The following SGIP1 variants were observed in gnomAD, a reference collection of about 807,000 sequenced individuals.
SGIP1 encodes the protein SH3-containing GRB2-like protein 3-interacting protein 1.
SGIP1 carries 38 observed loss-of-function variants against 107.5 expected under a neutral mutation model. That is an observed-to-expected ratio of 0.35 (90% CI 0.27 to 0.46). The LOEUF is 0.46. Among genes scored for constraint, SGIP1 ranks in the 20% least tolerant of loss-of-function variants. The pLI, the probability that SGIP1 is intolerant of heterozygous loss-of-function variation, is 1.00. For synonymous variants in SGIP1, 365 were observed against 366.1 expected (o/e 1.00, Z 0.03); for missense variants, 929 against 1,019.5 (o/e 0.91, Z 1.21).
At chr1:66,566,260 G>A (rs1453026772) in intron 1 of SGIP1, among the ~76,000 whole-genome samples, 1 of 151,926 alleles carries the variant, frequency 6.6e-6, no homozygotes, top group East Asian at 1.9e-4. Context: ...TTTAAAGATC[G>A]ATGTGAATAA....
intron 1 of SGIP1, among the ~76,000 whole-genome samples, chr1:66,548,741 C>G (rs1288762965): frequency 6.6e-6 from 1 of 152,096 alleles, no homozygotes; most frequent in African/African-American, 2.4e-5. Context: ...TTTCATTTTT[C>G]TCTCCAAATG....
At chr1:66,687,298 CA>C (rs550250808) in intron 15 of SGIP1, among the ~76,000 whole-genome samples, 425 of 137,540 alleles carry the variant, frequency 3.1e-3, no homozygotes, top group Admixed American at 2.7e-3. Flanking sequence ...CCATCAACAC[CA>C]AAAAAAAAAA....
chr1:66,739,357 C>G lies in SGIP1; in HGVS notation c.2054C>G (p.Ser685Cys). ...AAGGTGTCTGCCCAGGGCATTCAGT[C>G]CACACCTCTGAACCTGGCAGTGAAT... is the stretch of plus-strand genomic sequence containing the variant. ...KYQVSAQGIQ[S>C]TPLNLAVNWR... is the part of the protein sequence containing the mutation. Residue 685 changes from serine to cysteine, a missense_variant, in exon 22 of 25, where the codon TCC becomes TGC. Ser to Cys is a moderately radical substitution (Grantham distance 112). This residue lies in a region of SGIP1 where 341 missense variants were observed against 430.9 expected (regional missense o/e 0.79). Coordinates refer to ENST00000371037, the MANE Select transcript of SGIP1 (RefSeq NM_032291.4). The G allele has an allele frequency of 6.2e-7, 1 of 1,607,610 alleles. No homozygotes were observed. The highest frequency in any genetic ancestry group is 8.5e-7 in the Non-Finnish European group (1 of 1,179,936).
intron 18 of SGIP1, among the ~76,000 whole-genome samples, chr1:66,708,071 G>A (rs1306783036): frequency 6.6e-6 from 1 of 152,116 alleles, no homozygotes; most frequent in Non-Finnish European, 1.5e-5. Flanking sequence ...GGATGTAGGG[G>A]CAAACATCTT....
chr1:66,635,023 A>G (rs1007552302), intron 3 of SGIP1, among the ~76,000 whole-genome samples: 3 of 152,230 alleles, frequency 2.0e-5, no homozygotes, highest in African/African-American at 4.8e-5. Context: ...TGCCTTTTGA[A>G]TGTCAAGTGT....
intron 1 of SGIP1, among the ~76,000 whole-genome samples, chr1:66,612,006 G>A (rs867040260): frequency 6.9e-6 from 1 of 145,534 alleles, no homozygotes; most frequent in African/African-American, 2.6e-5. Flanking sequence ...GGAAATACCT[G>A]AGACTGGGTA....
At position 66,746,341 on chromosome 1, in the gene SGIP1, C is replaced by T. The variant is rs2094552777; in HGVS notation, c.*3246C>T. On this transcript the variant is annotated 3_prime_UTR_variant, in exon 25 of 25. Transcript: ENST00000371037. ...AAATTGCACATGGAATCCTGGTAGG[C>T]AAAACAGCTCAAAGCAATGCAGGAG... 4 of 152,044 alleles carry T rather than the reference C, an allele frequency of 2.6e-5. No homozygotes were observed. The highest frequency in any genetic ancestry group is 6.6e-5 in the Admixed American group (1 of 15,264). The allele number at this position is 152,044 out of a possible 1,614,324, so 9.4% of individuals were successfully genotyped here. A position where few individuals can be genotyped will look rare whatever the true frequency, so the allele number is the denominator to read the frequency against.
At chr1:66,549,789 T>C (rs1199397218) in intron 1 of SGIP1, among the ~76,000 whole-genome samples, 1 of 152,170 alleles carries the variant, frequency 6.6e-6, no homozygotes, top group Non-Finnish European at 1.5e-5. Context: ...GCCTAGTTTC[T>C]GACCAGGTTA....
intron 1 of SGIP1, among the ~76,000 whole-genome samples, chr1:66,601,249 C>T (rs2065750813): frequency 6.6e-6 from 1 of 152,020 alleles, no homozygotes; most frequent in Non-Finnish European, 1.5e-5. Context: ...CCTGTAGTCC[C>T]AGCTACTCGG....
At chr1:66,549,161 TC>T (rs2056992128) in intron 1 of SGIP1, among the ~76,000 whole-genome samples, 1 of 150,734 alleles carries the variant, frequency 6.6e-6, no homozygotes, top group Admixed American at 6.6e-5. Context: ...CTTCCTTCCT[TC>T]CTTCCTTCCT....
At chr1:66,642,421 C>G (rs142965853) in intron 5 of SGIP1, among the ~76,000 whole-genome samples, 1 of 152,316 alleles carries the variant, frequency 6.6e-6, no homozygotes, top group East Asian at 1.9e-4. Flanking sequence ...CTGTCTAACA[C>G]AGGTGTTTTG....
At position 66,745,138 on chromosome 1, in the gene SGIP1, T is replaced by C. The variant is rs964084592; in HGVS notation, c.*2043T>C. The C allele has an allele frequency of 3.3e-5, 5 of 152,032 alleles. No homozygotes were observed. Among genetic ancestry groups the C allele is most frequent in the Non-Finnish European group, 5.9e-5 (4 of 67,866 alleles). 9.4% of individuals were successfully genotyped at this position (152,032 alleles called of 1,614,324 possible). On this transcript the variant is annotated 3_prime_UTR_variant, in exon 25 of 25. Transcript: ENST00000371037. Reference sequence around the variant, plus strand: ...TTTATTTTGTTTTATTTTGTATAGATCTAGAATGAATTAGTAATTAAACAC... The same window carrying C: ...TTTATTTTGTTTTATTTTGTATAGACCTAGAATGAATTAGTAATTAAACAC...
chr1:66,637,815 GTATATA>G (rs1279694131), intron 4 of SGIP1, among the ~76,000 whole-genome samples: 1 of 148,110 alleles, frequency 6.8e-6, no homozygotes, highest in East Asian at 2.0e-4. Context: ...ATGTGTGTAT[GTATATA>G]TGTGTGTACA....
chr1:66,558,585 A>G (rs1034884739), intron 1 of SGIP1, among the ~76,000 whole-genome samples: 1 of 152,148 alleles, frequency 6.6e-6, no homozygotes, highest in African/African-American at 2.4e-5. Context: ...AGCACCTACT[A>G]TGTGCCAGAC....
intron 2 of SGIP1, among the ~76,000 whole-genome samples, chr1:66,630,912 G>A (rs1360729070): frequency 5.1e-4 from 22 of 42,888 alleles, no homozygotes; most frequent in Admixed American, 6.5e-4. Flanking sequence ...AGAAGGGAGG[G>A]AGGGAGGGAG....
chr1:66,694,636 T>A (rs2090517689), intron 17 of SGIP1: 1 of 577,482 alleles, frequency 1.7e-6, no homozygotes, highest in Non-Finnish European at 2.7e-6. Context: ...ATGCACCCTG[T>A]ATATTTACTG....
Position 66,682,236 on chromosome 1 carries a change from A to G in SGIP1, c.1182A>G (p.Leu394=). Residue 394 remains leucine (L), a synonymous_variant, in exon 15 of 25, where the codon TTA becomes TTG. Transcript: ENST00000371037. ...AGACCTTCATTAAAGATGATTACTT[A>G]GAAACAATCTCATCTCCTAAAGATT... ...AEQTFIKDDY[L]ETISSPKDFG... is the part of the protein sequence containing the mutation. 1.2e-6 allele frequency: 2 copies of G among 1,614,256 alleles called. No homozygotes were observed. Among genetic ancestry groups the G allele is most frequent in the Non-Finnish European group, 1.7e-6 (2 of 1,180,042 alleles).
chr1:66,744,188 GAAAA>G lies in SGIP1; in HGVS notation c.*1096_*1099del, dbSNP rs1245805566. 1 of 152,098 alleles carries G rather than the reference GAAAA, an allele frequency of 6.6e-6. No homozygotes were observed. Among genetic ancestry groups the G allele is most frequent in the East Asian group, 1.9e-4 (1 of 5,200 alleles). The allele number at this position is 152,098 out of a possible 1,614,324, so 9.4% of individuals were successfully genotyped here. Reference sequence around the variant, plus strand: ...ATCATTGTTTATATCATTTGAGAATGAAAAAATAAGCTTCATAAATGAAATTCTA... The same window carrying G: ...ATCATTGTTTATATCATTTGAGAATGAATAAGCTTCATAAATGAAATTCTA... On this transcript the variant is annotated 3_prime_UTR_variant, in exon 25 of 25. Transcript: ENST00000371037.
intron 18 of SGIP1, among the ~76,000 whole-genome samples, chr1:66,716,781 T>C (rs2093270018): frequency 6.6e-6 from 1 of 152,120 alleles, no homozygotes; most frequent in African/African-American, 2.4e-5. Context: ...CAAAAAGGAA[T>C]TATGATTTTA....
Sources: allele counts gnomAD v4.1 joint callset (sites outside exome capture counted in the v4.1 genomes callset), GRCh38; gene constraint gnomAD v4.1.1; regional missense constraint gnomAD v4.1.1; transcripts MANE v1.5; gene names NCBI Gene and HGNC (gene_info 2026-07-23, HGNC 2026-07-21).